CTNNA3: variants seen among roughly 807,000 people sequenced by gnomAD.
CTNNA3 encodes catenin alpha-3.
A neutral mutation model predicts 95.7 loss-of-function variants in CTNNA3; 76 were observed. That is an observed-to-expected ratio of 0.79 (90% confidence interval 0.66 to 0.96). CTNNA3 has a LOEUF of 0.96. CTNNA3 is among the 40% of genes least tolerant of loss of function. The pLI, the probability that CTNNA3 is intolerant of heterozygous loss-of-function variation, is 0.00. For missense variants in CTNNA3, 1,191 were observed against 1,089.8 expected (o/e 1.09, Z -1.31); for synonymous variants, 431 against 374.4 (o/e 1.15, Z -1.74).
chr10:66,068,724 G>T (rs982500273), intron 15 of CTNNA3, among the ~76,000 whole-genome samples: 1 of 152,096 alleles, frequency 6.6e-6, no homozygotes, highest in African/African-American at 2.4e-5. Flanking sequence ...TTAGTTACTA[G>T]TAGGGCAGCC....
intron 13 of CTNNA3, among the ~76,000 whole-genome samples, chr10:66,217,607 A>C (rs1019383044): frequency 2.0e-5 from 3 of 152,158 alleles, no homozygotes; most frequent in African/African-American, 7.2e-5. Flanking sequence ...AAATGTTTTC[A>C]TCTGGACATA....
At chr10:66,884,280 T>C (rs1383491176) in intron 7 of CTNNA3, among the ~76,000 whole-genome samples, 1 of 152,140 alleles carries the variant, frequency 6.6e-6, no homozygotes, top group Non-Finnish European at 1.5e-5. Flanking sequence ...GGTTTTAAAA[T>C]ATGCACATCA....
intron 1 of CTNNA3, among the ~76,000 whole-genome samples, chr10:67,760,128 G>T (rs1296289018): frequency 6.6e-6 from 1 of 152,082 alleles, no homozygotes; most frequent in African/African-American, 2.4e-5. Flanking sequence ...GACAGATAAA[G>T]TAAAGTTTCA....
At chr10:67,607,259 C>A (rs1448091631) in intron 2 of CTNNA3, among the ~76,000 whole-genome samples, 2 of 152,116 alleles carry the variant, frequency 1.3e-5, no homozygotes, top group African/African-American at 4.8e-5. Context: ...TGACCAGAAG[C>A]CTGATAACAT....
At chr10:65,994,323 A>T (rs1229215033) in intron 15 of CTNNA3, among the ~76,000 whole-genome samples, 1 of 152,204 alleles carries the variant, frequency 6.6e-6, no homozygotes, top group African/African-American at 2.4e-5. Flanking sequence ...ACGAAAACAA[A>T]GGAAAGTAAT....
intron 3 of CTNNA3, among the ~76,000 whole-genome samples, chr10:67,585,978 T>A (rs1411067774): frequency 6.6e-6 from 1 of 152,194 alleles, no homozygotes; most frequent in Non-Finnish European, 1.5e-5. Context: ...AACTTCCCTC[T>A]CAGCACTGCT....
At chr10:66,137,466 C>T (rs1412527923) in intron 13 of CTNNA3, among the ~76,000 whole-genome samples, 6 of 152,014 alleles carry the variant, frequency 3.9e-5, no homozygotes, top group Admixed American at 2.6e-4. Flanking sequence ...ATGCATGAAT[C>T]TCAATTACAT....
chr10:67,003,231 T>C (rs893501787), intron 7 of CTNNA3, among the ~76,000 whole-genome samples: 2 of 152,196 alleles, frequency 1.3e-5, no homozygotes, highest in Non-Finnish European at 2.9e-5. Context: ...ACTAATAATA[T>C]TGGGGAATAA....
chr10:66,157,186 C>T (rs2084555403), intron 13 of CTNNA3, among the ~76,000 whole-genome samples: 1 of 151,822 alleles, frequency 6.6e-6, no homozygotes, highest in African/African-American at 2.4e-5. Flanking sequence ...TTTTATCCCT[C>T]GTCCCCCTCC....
chr10:67,014,385 T>C (rs59891452), intron 7 of CTNNA3, among the ~76,000 whole-genome samples: 1,587 of 152,300 alleles, frequency 0.01, 28 homozygotes, highest in African/African-American at 0.035. Flanking sequence ...ACTTCCTAAT[T>C]GTATAACCTG....
chr10:67,729,341 C>G (rs1407574373), intron 1 of CTNNA3, among the ~76,000 whole-genome samples: 1 of 152,080 alleles, frequency 6.6e-6, no homozygotes, highest in African/African-American at 2.4e-5. Flanking sequence ...ATTTATAGAT[C>G]TATTAACTTA....
At chr10:66,028,895 G>T (rs2079397374) in intron 15 of CTNNA3, among the ~76,000 whole-genome samples, 1 of 151,934 alleles carries the variant, frequency 6.6e-6, no homozygotes, top group Non-Finnish European at 1.5e-5. Context: ...CAGGTATAGG[G>T]TGCAGTGGGG....
chr10:66,520,918 A>C, intron 10 of CTNNA3, 145 bp from the exon 11 acceptor site: 1 of 271,466 alleles, frequency 3.7e-6, no homozygotes, highest in African/African-American at 2.4e-5. Flanking sequence ...TATATAAAAT[A>C]AATAAAAAAT....
At chr10:66,888,083 C>T (rs571990878) in intron 7 of CTNNA3, among the ~76,000 whole-genome samples, 1 of 152,180 alleles carries the variant, frequency 6.6e-6, no homozygotes, top group Admixed American at 6.5e-5. Context: ...GGAGACGCTT[C>T]CCAGGCTGTG....
chr10:66,859,531 G>A (rs561728544), intron 7 of CTNNA3, among the ~76,000 whole-genome samples: 9 of 151,898 alleles, frequency 5.9e-5, no homozygotes, highest in South Asian at 2.1e-4. Flanking sequence ...TGCTGGAGAG[G>A]ATGTGGAGAA....
At chr10:65,973,471 A>T (rs1252003959) in intron 16 of CTNNA3, among the ~76,000 whole-genome samples, 5 of 152,210 alleles carry the variant, frequency 3.3e-5, no homozygotes, top group Non-Finnish European at 7.3e-5. Flanking sequence ...ACTATCCAGG[A>T]TCTATAAGGA....
At chr10:66,732,805 T>A (rs1433013637) in intron 9 of CTNNA3, among the ~76,000 whole-genome samples, 1 of 152,110 alleles carries the variant, frequency 6.6e-6, no homozygotes, top group Admixed American at 6.5e-5. Flanking sequence ...CTTTTCTTTT[T>A]TTTTTAAAGA....
At chr10:66,981,919 A>C (rs1455910289) in intron 7 of CTNNA3, among the ~76,000 whole-genome samples, 1 of 152,176 alleles carries the variant, frequency 6.6e-6, no homozygotes, top group Admixed American at 6.5e-5. Context: ...GAGAAAATGA[A>C]ATCCACAGGA....
At chr10:67,499,035 G>A (rs556010271) in intron 5 of CTNNA3, among the ~76,000 whole-genome samples, 27 of 152,202 alleles carry the variant, frequency 1.8e-4, no homozygotes, top group African/African-American at 5.8e-4. Context: ...GAATGCTTCC[G>A]GTTTTTGTCC....
Sources: allele counts gnomAD v4.1 joint callset (sites outside exome capture counted in the v4.1 genomes callset), GRCh38; gene constraint gnomAD v4.1.1; transcripts MANE v1.5; gene names NCBI Gene and HGNC (gene_info 2026-07-23, HGNC 2026-07-21).